Variants in SV2C observed in about 807,000 individuals in gnomAD.
The protein encoded by SV2C is synaptic vesicle glycoprotein 2C.
A neutral mutation model predicts 79.7 loss-of-function variants in SV2C; 49 were observed. That is an observed-to-expected ratio of 0.61 (90% CI 0.49 to 0.78). The LOEUF (loss-of-function observed/expected upper bound fraction) is 0.78, where lower values mean the gene tolerates loss of function less well. Among genes scored for constraint, SV2C ranks in the 30% least tolerant of loss-of-function variants. SV2C has a pLI of 0.00. For missense variants in SV2C, 833 were observed against 912.9 expected, an observed-to-expected ratio of 0.91 and a Z score of 1.13; for synonymous variants, 334 against 333.2, an observed-to-expected ratio of 1.00 and a Z score of -0.03.
chr5:75,886,809 G>A, the SV2C span, among the ~76,000 whole-genome samples: 4 of 152,068 alleles, frequency 2.6e-5, no homozygotes, highest in Non-Finnish European at 4.4e-5. Flanking sequence ...AATGTTTTCA[G>A]CTGCAAGAAA....
At chr5:76,058,380 G>T in the SV2C span, among the ~76,000 whole-genome samples, 1 of 152,048 alleles carries the variant, frequency 6.6e-6, no homozygotes, top group Non-Finnish European at 1.5e-5. Flanking sequence ...GCAACACTTC[G>T]GTGTTCTACT....
the SV2C span, among the ~76,000 whole-genome samples, chr5:75,971,782 A>G: frequency 2.0e-5 from 3 of 152,130 alleles, no homozygotes; most frequent in Non-Finnish European, 2.9e-5. Flanking sequence ...TGCCATCCCC[A>G]TCAAGCTACC....
At chr5:76,236,454 C>T (rs997524184) in intron 4 of SV2C, among the ~76,000 whole-genome samples, 21 of 152,028 alleles carry the variant, frequency 1.4e-4, no homozygotes, top group African/African-American at 4.3e-4. Flanking sequence ...CCCAGCTACT[C>T]GGGAAGCTTA....
chr5:76,135,028 C>G (rs1298292475), intron 2 of SV2C, among the ~76,000 whole-genome samples: 5 of 152,138 alleles, frequency 3.3e-5, no homozygotes, highest in Non-Finnish European at 7.4e-5. Flanking sequence ...AATAAAGAGA[C>G]TTCGAGCAGG....
At chr5:76,017,641 C>G in the SV2C span, among the ~76,000 whole-genome samples, 1 of 152,146 alleles carries the variant, frequency 6.6e-6, no homozygotes, top group Non-Finnish European at 1.5e-5. Flanking sequence ...TGTAGGTTAG[C>G]ATTTCTTCTG....
At chr5:76,320,554 T>G (rs761516256) in intron 12 of SV2C, among the ~76,000 whole-genome samples, 23 of 152,184 alleles carry the variant, frequency 1.5e-4, no homozygotes, top group Non-Finnish European at 1.9e-4. Context: ...ACTTTTTTTG[T>G]TGTAAACCTA....
intron 4 of SV2C, chr5:76,242,317 G>A (rs550902940): frequency 1.8e-5 from 26 of 1,464,324 alleles, no homozygotes; most frequent in South Asian, 1.4e-4. Flanking sequence ...CGACGGCAGC[G>A]GGACATAGGT....
chr5:75,962,408 G>A, the SV2C span, among the ~76,000 whole-genome samples: 2 of 152,064 alleles, frequency 1.3e-5, no homozygotes, highest in Admixed American at 1.3e-4. Flanking sequence ...TCATTTGGTT[G>A]CAGTTCAAAC....
the SV2C span, among the ~76,000 whole-genome samples, chr5:75,938,777 A>G: frequency 6.6e-6 from 1 of 152,180 alleles, no homozygotes; most frequent in Non-Finnish European, 1.5e-5. Context: ...CCTTTTCTAT[A>G]TGTATATTTC....
At chr5:76,062,718 AT>A in the SV2C span, among the ~76,000 whole-genome samples, 1 of 152,134 alleles carries the variant, frequency 6.6e-6, no homozygotes, top group Admixed American at 6.5e-5. Context: ...CATCAGTGAA[AT>A]AAGAAAGGCT....
the SV2C span, among the ~76,000 whole-genome samples, chr5:76,049,021 A>G: frequency 9.4e-6 from 1 of 106,122 alleles, no homozygotes. Flanking sequence ...GAAAGAAAGA[A>G]AGAAAAAGAA....
At chr5:76,178,489 A>G (rs1363928094) in intron 2 of SV2C, among the ~76,000 whole-genome samples, 1 of 152,242 alleles carries the variant, frequency 6.6e-6, no homozygotes, top group Non-Finnish European at 1.5e-5. Context: ...TTGAAAAAAA[A>G]GAATGAGCAA....
intron 2 of SV2C, among the ~76,000 whole-genome samples, chr5:76,151,445 T>C (rs10942756): frequency 0.41 from 62,649 of 151,918 alleles, 13,507 homozygotes; most frequent in Middle Eastern, 0.51. Flanking sequence ...GGGAGACTGC[T>C]GTGTGTGGAA....
the SV2C span, among the ~76,000 whole-genome samples, chr5:75,997,154 G>T: frequency 6.6e-6 from 1 of 151,742 alleles, no homozygotes; most frequent in Admixed American, 6.6e-5. Context: ...TTTGAGATAC[G>T]TCCCATCAAT....
chr5:75,908,814 CT>C, the SV2C span, among the ~76,000 whole-genome samples: 1 of 152,182 alleles, frequency 6.6e-6, no homozygotes, highest in East Asian at 1.9e-4. Context: ...CAAACAGTAC[CT>C]CTTCAAGTGC....
chr5:75,856,396 A>C, the SV2C span, among the ~76,000 whole-genome samples: 1 of 152,192 alleles, frequency 6.6e-6, no homozygotes, highest in African/African-American at 2.4e-5. Flanking sequence ...AGTAATTTAC[A>C]TTGCCACCAA....
chr5:75,972,283 A>G, the SV2C span, among the ~76,000 whole-genome samples: 1 of 152,152 alleles, frequency 6.6e-6, no homozygotes, highest in Admixed American at 6.5e-5. Context: ...CTTCATGTCT[A>G]AAACACCAAA....
chr5:76,295,064 A>G (rs1747698709), intron 8 of SV2C, among the ~76,000 whole-genome samples: 2 of 152,194 alleles, frequency 1.3e-5, no homozygotes, highest in Non-Finnish European at 2.9e-5. Flanking sequence ...TGAGAAAGAT[A>G]TTGGGGCCAG....
the SV2C span, among the ~76,000 whole-genome samples, chr5:75,890,899 C>T: frequency 6.6e-6 from 1 of 152,206 alleles, no homozygotes; most frequent in Non-Finnish European, 1.5e-5. Flanking sequence ...AAGCCTTCCC[C>T]TACCATTTGT....
Sources: allele counts gnomAD v4.1 joint callset (sites outside exome capture counted in the v4.1 genomes callset), GRCh38; gene constraint gnomAD v4.1.1; transcripts MANE v1.5; gene names NCBI Gene and HGNC (gene_info 2026-07-23, HGNC 2026-07-21).